RFC1: variants seen among roughly 807,000 people sequenced by gnomAD.
RFC1 encodes A1 140 kDa subunit.
In RFC1, 37 loss-of-function variants were observed where a neutral mutation model predicts 137.4. The observed-to-expected ratio is 0.27, with a 90% CI of 0.21 to 0.35. RFC1 has a LOEUF of 0.35. RFC1 is among the 10% of genes least tolerant of loss of function. The pLI is 1.00. For missense variants in RFC1, 1,205 were observed against 1,358.5 expected, an observed-to-expected ratio of 0.89 and a Z score of 1.78; for synonymous variants, 429 against 455.7, an observed-to-expected ratio of 0.94 and a Z score of 0.75.
At position 39,308,795 on chromosome 4, in the gene RFC1, T is replaced by C; in HGVS notation, c.1726A>G (p.Ser576Gly). 6.2e-7 allele frequency: 1 copy of C among 1,614,204 alleles called. No homozygotes were observed. The change falls in exon 13 of 25, where the codon AGC (serine) becomes GGC (glycine). Residue 576 changes from serine to glycine, a missense_variant. Transcript: ENST00000349703. ...DSKARNLADDSSENKVENLLW... is the reference protein window; with the variant it reads ...DSKARNLADDGSENKVENLLW... ...AAATTTTCCACTTTGTTTTCACTGC[T>C]GTCATCAGCCAAATTCCTAGCCTTG... is the stretch of plus-strand genomic sequence containing the variant.
rs1464312678 is a variant in RFC1 at position 39,342,398 on chromosome 4, G to A, written c.278C>T (p.Ser93Phe). The change falls in exon 4 of 25, where the codon TCT (serine) becomes TTT (phenylalanine). Residue 93 changes from serine (S) to phenylalanine (F), a missense_variant. This residue lies in a region of RFC1 where 962 missense variants were observed against 1,035.3 expected (regional missense o/e 0.93). Coordinates refer to ENST00000349703, the MANE Select transcript of RFC1 (RefSeq NM_002913.5). ...CTGCCGTGAAATTTTACCAGGTTTAGAAGATACTGGCAGTTTTTCTGGTGG... is the reference window on the plus strand; with the variant it reads ...CTGCCGTGAAATTTTACCAGGTTTAAAAGATACTGGCAGTTTTTCTGGTGG... Reference protein sequence around the residue: ...KKPPEKLPVSSKPGKISRQDP... With the variant: ...KKPPEKLPVSFKPGKISRQDP... 1 of 1,613,500 alleles carries A rather than the reference G, an allele frequency of 6.2e-7. No individual in the cohort carries two copies. The highest frequency in any genetic ancestry group is 1.3e-5 in the African/African-American group (1 of 74,910).
intron 2 of RFC1, among the ~76,000 whole-genome samples, chr4:39,345,959 G>A (rs1437775113): frequency 2.6e-5 from 4 of 151,964 alleles, no homozygotes; most frequent in African/African-American, 9.7e-5. Context: ...TACCCTTATT[G>A]GCTAAAAATA....
At chr4:39,307,046 C>T (rs1299264950) in intron 13 of RFC1, among the ~76,000 whole-genome samples, 1 of 152,178 alleles carries the variant, frequency 6.6e-6, no homozygotes, top group Non-Finnish European at 1.5e-5. Flanking sequence ...CCACCTCTCA[C>T]CAGCCGTGGG....
intron 1 of RFC1, 27 bp from the exon 2 acceptor site, chr4:39,351,503 G>A (rs1353110988): frequency 5.3e-6 from 8 of 1,505,788 alleles, no homozygotes; most frequent in Non-Finnish European, 7.1e-6. Context: ...GGAGATTCAC[G>A]AATAAACATT....
chr4:39,303,459 A>T (rs1043084562), intron 15 of RFC1, among the ~76,000 whole-genome samples: 1 of 147,100 alleles, frequency 6.8e-6, no homozygotes, highest in Non-Finnish European at 1.5e-5. Flanking sequence ...TGAGTTTTGA[A>T]TTTTTTTTTT....
intron 16 of RFC1, 80 bp downstream of exon 16, chr4:39,302,980 C>G: frequency 6.9e-7 from 1 of 1,457,338 alleles, no homozygotes. Context: ...CCTTAACTGC[C>G]CTAAGTATGA....
At position 39,306,653 on chromosome 4, in the gene RFC1, G is replaced by C. The variant is rs754209348; in HGVS notation, c.1934C>G (p.Ala645Gly). 1.9e-6 allele frequency: 3 copies of C among 1,613,894 alleles called. No individual in the cohort carries two copies. Among genetic ancestry groups the C allele is most frequent in the Admixed American group, 3.3e-5 (2 of 60,024 alleles). ...ACCAGGAGGGCCTGACAGCAACGCTGCTTTAAAACTAGAGCCATCATCTTT... is the reference window on the plus strand; with the variant it reads ...ACCAGGAGGGCCTGACAGCAACGCTCCTTTAAAACTAGAGCCATCATCTTT... ...SGKDDGSSFKAALLSGPPGVG... is the reference protein window; with the variant it reads ...SGKDDGSSFKGALLSGPPGVG... Residue 645 changes from alanine to glycine, a missense_variant, in exon 14 of 25, where the codon GCA becomes GGA. This residue lies in a region of RFC1 where 962 missense variants were observed against 1,035.3 expected (regional missense o/e 0.93). Coordinates refer to ENST00000349703, the MANE Select transcript of RFC1 (RefSeq NM_002913.5).
chr4:39,289,020 G>A (rs929082309), intron 24 of RFC1, among the ~76,000 whole-genome samples, 176 bp from the exon 25 acceptor site: 9 of 151,656 alleles, frequency 5.9e-5, no homozygotes, highest in Non-Finnish European at 8.8e-5. Context: ...CAACAACTGC[G>A]CCACTTACAG....
At chr4:39,363,615 AGTGG>A (rs1741866558) in intron 1 of RFC1, among the ~76,000 whole-genome samples, 3 of 152,260 alleles carry the variant, frequency 2.0e-5, no homozygotes, top group Admixed American at 2.0e-4. Context: ...GGCCAGGCAC[AGTGG>A]TTCATGCCTG....
At chr4:39,309,789 T>TA (rs1182642090) in intron 12 of RFC1, among the ~76,000 whole-genome samples, 1 of 152,240 alleles carries the variant, frequency 6.6e-6, no homozygotes. Context: ...CACTGATTTG[T>TA]ATACTTTATA....
intron 19 of RFC1, among the ~76,000 whole-genome samples, chr4:39,301,659 C>T (rs906243621): frequency 1.3e-5 from 2 of 152,112 alleles, no homozygotes; most frequent in African/African-American, 2.4e-5. Flanking sequence ...AAAAATAAAG[C>T]GTATAGGCCA....
chr4:39,295,882 G>A, intron 21 of RFC1, 123 bp from the exon 22 acceptor site: 1 of 792,456 alleles, frequency 1.3e-6, no homozygotes. Context: ...CCTACCTACA[G>A]GGCAGTCAGA....
intron 2 of RFC1, among the ~76,000 whole-genome samples, chr4:39,346,108 C>G (rs1005367295): frequency 2.6e-5 from 4 of 152,198 alleles, no homozygotes; most frequent in African/African-American, 7.2e-5. Context: ...GCAAGTGCTT[C>G]CTGAAAATGA....
chr4:39,328,354 T>TA (rs1384571341), intron 4 of RFC1, among the ~76,000 whole-genome samples: 1 of 152,164 alleles, frequency 6.6e-6, no homozygotes, highest in East Asian at 1.9e-4. Context: ...TCATGGAACT[T>TA]AAAGTCTAGA....
At chr4:39,361,841 G>A (rs904971430) in intron 1 of RFC1, among the ~76,000 whole-genome samples, 1 of 152,194 alleles carries the variant, frequency 6.6e-6, no homozygotes, top group Non-Finnish European at 1.5e-5. Flanking sequence ...GAGGTCAGGA[G>A]ATCGAGACCA....
intron 22 of RFC1, among the ~76,000 whole-genome samples, chr4:39,292,704 C>G (rs1361575979): frequency 1.3e-5 from 2 of 151,598 alleles, no homozygotes; most frequent in Non-Finnish European, 2.9e-5. Flanking sequence ...TGCAGTGGTG[C>G]AGTCTTGGCT....
intron 9 of RFC1, among the ~76,000 whole-genome samples, chr4:39,317,601 G>C (rs1048680289): frequency 2.0e-5 from 3 of 151,994 alleles, no homozygotes; most frequent in Non-Finnish European, 4.4e-5. Context: ...CTTCTCTCGG[G>C]GAATTTACCA....
intron 4 of RFC1, among the ~76,000 whole-genome samples, chr4:39,336,367 A>G (rs1161328092): frequency 4.6e-5 from 7 of 152,246 alleles, no homozygotes; most frequent in Non-Finnish European, 7.3e-5. Flanking sequence ...TGACAATGCT[A>G]TACAGTAACA....
At chr4:39,308,442 G>A (rs1310786271) in intron 13 of RFC1, among the ~76,000 whole-genome samples, 194 bp downstream of exon 13, 2 of 152,154 alleles carry the variant, frequency 1.3e-5, no homozygotes, top group Non-Finnish European at 1.5e-5. Flanking sequence ...CCCACTGCCT[G>A]TGAGCTCCTG....
Sources: allele counts gnomAD v4.1 joint callset (sites outside exome capture counted in the v4.1 genomes callset), GRCh38; gene constraint gnomAD v4.1.1; regional missense constraint gnomAD v4.1.1; transcripts MANE v1.5; gene names NCBI Gene and HGNC (gene_info 2026-07-23, HGNC 2026-07-21).